The following ZNF277 variants were observed in gnomAD, a reference collection of about 807,000 sequenced individuals.
ZNF277 encodes nuclear receptor-interacting factor 4.
Under a neutral mutation model 60.7 loss-of-function variants are expected in ZNF277, and 55 were observed. That is an observed-to-expected ratio of 0.91 (90% CI 0.73 to 1.13). The LOEUF (loss-of-function observed/expected upper bound fraction) is 1.13. Among genes scored for constraint, ZNF277 ranks in the 50% most tolerant of loss-of-function variants. The pLI is 0.00. For synonymous variants in ZNF277, 178 were observed against 179.3 expected (o/e 0.99, Z 0.06); for missense variants, 510 against 523.0 (o/e 0.98, Z 0.24).
chr7:112,232,255 C>G (rs538090462), intron 1 of ZNF277, among the ~76,000 whole-genome samples: 58 of 151,878 alleles, frequency 3.8e-4, no homozygotes, highest in Non-Finnish European at 7.2e-4. Context: ...AAGTGAATTG[C>G]AAGGAAAAGA....
chr7:112,323,333 G>T (rs1324349226), intron 5 of ZNF277, among the ~76,000 whole-genome samples: 1 of 152,188 alleles, frequency 6.6e-6, no homozygotes, highest in Non-Finnish European at 1.5e-5. Flanking sequence ...TATTGCCTCA[G>T]GCAGCTGTGA....
At chr7:112,335,978 T>C (rs752505946) in intron 7 of ZNF277, 126 bp from the exon 8 acceptor site, 63 of 680,544 alleles carry the variant, frequency 9.3e-5, no homozygotes, top group Non-Finnish European at 1.4e-4. Context: ...ACTTGTACTG[T>C]TTCAAAACCA....
chr7:112,243,492 AAAAC>A (rs1220259454), intron 1 of ZNF277, among the ~76,000 whole-genome samples: 2 of 151,614 alleles, frequency 1.3e-5, no homozygotes, highest in Non-Finnish European at 3.0e-5. Flanking sequence ...AGAAAAAAAA[AAAAC>A]AACCCCATTA....
chr7:112,245,872 T>C (rs190457640), intron 1 of ZNF277, among the ~76,000 whole-genome samples: 1 of 152,292 alleles, frequency 6.6e-6, no homozygotes, highest in Admixed American at 6.5e-5. Context: ...ACATCCTATC[T>C]TTTTACGGAG....
intron 5 of ZNF277, among the ~76,000 whole-genome samples, chr7:112,324,030 T>C (rs1793043341): frequency 6.6e-6 from 1 of 152,214 alleles, no homozygotes; most frequent in African/African-American, 2.4e-5. Flanking sequence ...AGGTATTATG[T>C]ATTTATAGTT....
intron 1 of ZNF277, among the ~76,000 whole-genome samples, chr7:112,258,040 A>G (rs1791363801): frequency 1.3e-5 from 2 of 151,810 alleles, no homozygotes; most frequent in South Asian, 4.2e-4. Flanking sequence ...AAATTTTTTT[A>G]AGCCAGAATA....
rs183394092 is a variant in ZNF277, at chr7:112,285,012, T to A, written c.92-1861T>A. On this transcript the variant is annotated intron_variant, in intron 1 of 11. Coordinates refer to ENST00000361822, the MANE Select transcript of ZNF277 (RefSeq NM_021994.3). ...TTAAGTGAATGAATGAATGCTGCCC[T>A]CTTACATTGCTTATATAATTTCTTT... is the stretch of plus-strand genomic sequence containing the variant. 2.0e-4 allele frequency among the ~76,000 whole-genome samples: 30 copies of A among 152,272 alleles called. No homozygotes were observed. In the Middle Eastern group the frequency reaches 0.014, roughly 69 times the overall value.
intron 1 of ZNF277, among the ~76,000 whole-genome samples, chr7:112,223,587 C>T (rs968419662): frequency 6.6e-6 from 1 of 152,194 alleles, no homozygotes; most frequent in Non-Finnish European, 1.5e-5. Context: ...GCCACCTGGT[C>T]GTAGGTTTGC....
At chr7:112,291,966 T>C (rs1390946989) in intron 2 of ZNF277, among the ~76,000 whole-genome samples, 1 of 152,138 alleles carries the variant, frequency 6.6e-6, no homozygotes, top group Non-Finnish European at 1.5e-5. Context: ...TCACCCAAGT[T>C]TTGGTTAGGA....
intron 5 of ZNF277, among the ~76,000 whole-genome samples, chr7:112,322,016 G>C (rs557738217): frequency 6.6e-6 from 1 of 151,820 alleles, no homozygotes; most frequent in Non-Finnish European, 1.5e-5. Flanking sequence ...TCCAGTCTTC[G>C]GGACAGAAGA....
chr7:112,233,924 C>CT (rs530960466), intron 1 of ZNF277, among the ~76,000 whole-genome samples: 18 of 148,424 alleles, frequency 1.2e-4, no homozygotes, highest in Admixed American at 2.0e-4. Context: ...TTTCTGGCTA[C>CT]TTTTTTTTTT....
At chr7:112,319,718 A>T (rs1049372848) in intron 5 of ZNF277, among the ~76,000 whole-genome samples, 1 of 149,206 alleles carries the variant, frequency 6.7e-6, no homozygotes. Context: ...TATAAATTAT[A>T]AAAGAGTTTA....
At chr7:112,304,289 T>C (rs1438886454) in intron 4 of ZNF277, among the ~76,000 whole-genome samples, 2 of 152,166 alleles carry the variant, frequency 1.3e-5, no homozygotes, top group South Asian at 2.1e-4. Flanking sequence ...ATTTAGTATA[T>C]TATTTGAGTA....
intron 1 of ZNF277, among the ~76,000 whole-genome samples, chr7:112,265,181 A>G (rs1791521766): frequency 6.6e-6 from 1 of 152,166 alleles, no homozygotes; most frequent in Non-Finnish European, 1.5e-5. Context: ...CCTAGCTTTC[A>G]ATCTGTCTTG....
intron 1 of ZNF277, among the ~76,000 whole-genome samples, chr7:112,248,351 T>A (rs554881522): frequency 1.9e-3 from 285 of 151,924 alleles, no homozygotes; most frequent in African/African-American, 4.3e-3. Flanking sequence ...GTTTTATTTT[T>A]TTTTTTTCAT....
At chr7:112,268,709 G>A (rs2117034905) in intron 1 of ZNF277, among the ~76,000 whole-genome samples, 1 of 152,212 alleles carries the variant, frequency 6.6e-6, no homozygotes, top group Admixed American at 6.5e-5. Flanking sequence ...AGAGTAAAAT[G>A]TACCAAAACC....
At chr7:112,326,849 AC>A (rs1793104081) in intron 5 of ZNF277, among the ~76,000 whole-genome samples, 1 of 152,162 alleles carries the variant, frequency 6.6e-6, no homozygotes, top group Non-Finnish European at 1.5e-5. Context: ...CAAAACAATC[AC>A]CTTTATTTTA....
chr7:112,242,542 A>G (rs1245756079), intron 1 of ZNF277, among the ~76,000 whole-genome samples: 1 of 141,150 alleles, frequency 7.1e-6, no homozygotes, highest in Non-Finnish European at 1.5e-5. Flanking sequence ...AGTCAATCCC[A>G]TTTATAATAG....
chr7:112,252,869 CAA>C (rs1028108328), intron 1 of ZNF277, among the ~76,000 whole-genome samples: 8 of 152,140 alleles, frequency 5.3e-5, no homozygotes, highest in Middle Eastern at 6.8e-3. Context: ...AGAAACAAAC[CAA>C]AGAGTATTCC....
Sources: allele counts gnomAD v4.1 joint callset (sites outside exome capture counted in the v4.1 genomes callset), GRCh38; gene constraint gnomAD v4.1.1; transcripts MANE v1.5; gene names NCBI Gene and HGNC (gene_info 2026-07-23, HGNC 2026-07-21).